STK32C: variants seen among roughly 807,000 people sequenced by gnomAD.
STK32C encodes the protein serine/threonine kinase 32C, also known as serine/threonine-protein kinase 32C.
In STK32C, 31 loss-of-function variants were observed where a neutral mutation model predicts 56.5. That is an observed-to-expected ratio of 0.55 (90% CI 0.41 to 0.74). The LOEUF (loss-of-function observed/expected upper bound fraction) is 0.74, where lower values mean the gene tolerates loss of function less well. Among genes scored for constraint, STK32C ranks in the 30% least tolerant of loss-of-function variants. The pLI, the probability that STK32C is intolerant of heterozygous loss-of-function variation, is 0.00. For synonymous variants in STK32C, 309 were observed against 289.4 expected, an observed-to-expected ratio of 1.07 and a Z score of -0.69; for missense variants, 544 against 676.9, an observed-to-expected ratio of 0.80 and a Z score of 2.18.
At chr10:132,217,408 C>T (rs2062506218) in intron 10 of STK32C, among the ~76,000 whole-genome samples, 1 of 152,178 alleles carries the variant, frequency 6.6e-6, no homozygotes. Flanking sequence ...ATTTTACAGA[C>T]TCATAGGCAG....
chr10:132,214,166 G>A (rs2062398852), intron 10 of STK32C, among the ~76,000 whole-genome samples: 2 of 150,234 alleles, frequency 1.3e-5, no homozygotes, highest in South Asian at 4.2e-4. Context: ...GAAGCTCAGA[G>A]AACACCAAGC....
At chr10:132,241,619 G>A (rs935415657) in intron 2 of STK32C, among the ~76,000 whole-genome samples, 3 of 152,226 alleles carry the variant, frequency 2.0e-5, no homozygotes, top group Non-Finnish European at 4.4e-5. Context: ...GTATTCAGAA[G>A]TCCGTGTGGA....
chr10:132,314,652 A>G (rs2066281339), intron 1 of STK32C, among the ~76,000 whole-genome samples: 1 of 152,230 alleles, frequency 6.6e-6, no homozygotes, highest in Admixed American at 6.5e-5. Flanking sequence ...AAACACTAAA[A>G]AAGAATTTAA....
chr10:132,326,978 A>C (rs1470762813), intron 1 of STK32C, among the ~76,000 whole-genome samples: 1 of 152,256 alleles, frequency 6.6e-6, no homozygotes, highest in African/African-American at 2.4e-5. Flanking sequence ...TTACATAAAA[A>C]AACTAAAGCA....
chr10:132,257,799 G>C (rs1229127321), intron 1 of STK32C, among the ~76,000 whole-genome samples: 1 of 151,778 alleles, frequency 6.6e-6, no homozygotes, highest in African/African-American at 2.4e-5. Flanking sequence ...ACCCCCAGGG[G>C]ACCCATCAGC....
chr10:132,301,127 C>T (rs1320957320), intron 1 of STK32C, among the ~76,000 whole-genome samples: 1 of 151,826 alleles, frequency 6.6e-6, no homozygotes, highest in Non-Finnish European at 1.5e-5. Context: ...CTCCAAGCTT[C>T]CTAACGCCCA....
At chr10:132,247,195 C>T (rs75524955) in intron 1 of STK32C, among the ~76,000 whole-genome samples, 2 of 152,208 alleles carry the variant, frequency 1.3e-5, no homozygotes, top group East Asian at 1.9e-4. Flanking sequence ...TGCTCCCTGG[C>T]GGTACCCTGT....
chr10:132,275,812 A>G (rs1374316464), intron 1 of STK32C, among the ~76,000 whole-genome samples: 1 of 152,192 alleles, frequency 6.6e-6, no homozygotes, highest in Non-Finnish European at 1.5e-5. Flanking sequence ...AAACCTCCTC[A>G]GCAGCTCCAT....
intron 10 of STK32C, among the ~76,000 whole-genome samples, chr10:132,212,474 G>A (rs76838770): frequency 0.12 from 17,503 of 152,198 alleles, 1,369 homozygotes; most frequent in South Asian, 0.16. Context: ...AGACTTAGAA[G>A]AAAGTGTGGG....
intron 1 of STK32C, among the ~76,000 whole-genome samples, chr10:132,326,816 T>C (rs2066508421): frequency 6.6e-6 from 1 of 152,176 alleles, no homozygotes; most frequent in Non-Finnish European, 1.5e-5. Context: ...TCTGAACTAG[T>C]TTCAGGTTTC....
At chr10:132,292,345 C>T (rs11146315) in intron 1 of STK32C, among the ~76,000 whole-genome samples, 32,842 of 152,174 alleles carry the variant, frequency 0.22, 4,360 homozygotes, top group Non-Finnish European at 0.31. Flanking sequence ...TCGGCCTCTC[C>T]ATCCGGGCAC....
intron 1 of STK32C, among the ~76,000 whole-genome samples, chr10:132,329,154 C>T (rs1409313698): frequency 6.6e-6 from 1 of 152,258 alleles, no homozygotes; most frequent in South Asian, 2.1e-4. Context: ...GTGGCTCACG[C>T]CTATAATCCC....
downstream of STK32C, among the ~76,000 whole-genome samples, chr10:132,322,844 G>A (rs2066435445): frequency 6.6e-6 from 1 of 152,164 alleles, no homozygotes; most frequent in Non-Finnish European, 1.5e-5. Flanking sequence ...CCACAAACAT[G>A]TGCATGTCTC....
At chr10:132,291,638 C>T (rs2065567051) in intron 1 of STK32C, among the ~76,000 whole-genome samples, 1 of 152,214 alleles carries the variant, frequency 6.6e-6, no homozygotes, top group African/African-American at 2.4e-5. Context: ...ATCCTTCACG[C>T]ATCCAGACTC....
At chr10:132,324,496 G>C in intron 1 of STK32C, 4 of 591,404 alleles carry the variant, frequency 6.8e-6, no homozygotes, top group Non-Finnish European at 1.2e-5. Flanking sequence ...AGCAGAAATG[G>C]AATCAGCTGC....
chr10:132,212,623 T>C (rs1234999699), intron 10 of STK32C, among the ~76,000 whole-genome samples: 12 of 152,078 alleles, frequency 7.9e-5, no homozygotes, highest in Non-Finnish European at 1.0e-4. Flanking sequence ...AGAGAAAAGA[T>C]AGCCCATGGA....
At chr10:132,221,325 C>G (rs1159981517) in intron 10 of STK32C, among the ~76,000 whole-genome samples, 1 of 150,472 alleles carries the variant, frequency 6.6e-6, no homozygotes, top group Non-Finnish European at 1.5e-5. Context: ...GCCGTCCCCA[C>G]ACACACAACT....
chr10:132,304,016 A>C (rs1314976161), intron 1 of STK32C, among the ~76,000 whole-genome samples: 1 of 152,212 alleles, frequency 6.6e-6, no homozygotes, highest in Non-Finnish European at 1.5e-5. Flanking sequence ...TCAGAGAGGG[A>C]CCAATTGAGC....
intron 1 of STK32C, among the ~76,000 whole-genome samples, chr10:132,246,624 C>T (rs1460152508): frequency 6.6e-6 from 1 of 152,242 alleles, no homozygotes; most frequent in Non-Finnish European, 1.5e-5. Flanking sequence ...CCTGCAAGTC[C>T]CTCCGGGAGA....
Sources: gnomAD v4.1 joint callset for allele counts (sites outside exome capture counted in the v4.1 genomes callset) on GRCh38, gnomAD v4.1.1 for gene constraint, MANE v1.5 for transcripts, NCBI Gene and HGNC (gene_info 2026-07-23, HGNC 2026-07-21) for gene names.